Variants in ORC3 observed in about 807,000 individuals in gnomAD.
ORC3 encodes the protein homolog of latheo, Drosophila.
In ORC3, 78 loss-of-function variants were observed where a neutral mutation model predicts 100.7. The ratio of observed to expected loss-of-function variants is 0.77; its 90% CI spans 0.65 to 0.94. The LOEUF is 0.94. ORC3 is among the 40% of genes least tolerant of loss of function. ORC3 has a pLI of 0.00. For synonymous variants in ORC3, 295 were observed against 289.3 expected, an observed-to-expected ratio of 1.02 and a Z score of -0.20; for missense variants, 789 against 823.9, an observed-to-expected ratio of 0.96 and a Z score of 0.52.
At position 87,634,953 on chromosome 6, in the gene ORC3, G is replaced by A. The variant is rs2067506049; in HGVS notation, c.1294G>A (p.Gly432Ser). The A allele has an allele frequency of 6.8e-7, 1 of 1,474,894 alleles. No individual in the cohort carries two copies. Among genetic ancestry groups the A allele is most frequent in the Non-Finnish European group, 9.5e-7 (1 of 1,053,224 alleles). 91.4% of individuals were successfully genotyped at this position (1,474,894 alleles called of 1,614,324 possible). A position where few individuals can be genotyped will look rare whatever the true frequency, so the allele number is the denominator to read the frequency against. ...FTSSLPKYPL[G>S]RQIRELYCTC... Reference sequence around the variant, plus strand: ...CTCTTCTCTTCCCAAGTATCCACTAGGTCGACAGGTAATCCAAGCCTCCTC... The same window carrying A: ...CTCTTCTCTTCCCAAGTATCCACTAAGTCGACAGGTAATCCAAGCCTCCTC... Residue 432 changes from glycine (G) to serine (S), a missense_variant, in exon 12 of 20, where the codon GGT (glycine) becomes AGT (serine). This residue lies in a region of ORC3 where 366 missense variants were observed against 394.2 expected (regional missense o/e 0.93). Transcript: ENST00000392844.
intron 17 of ORC3, among the ~76,000 whole-genome samples, chr6:87,664,329 C>G (rs1039138530): frequency 6.6e-6 from 1 of 151,836 alleles, no homozygotes; most frequent in African/African-American, 2.4e-5. Context: ...AAATTTATAC[C>G]CCTGGTAAGT....
chr6:87,598,967 A>G (rs971540495), intron 2 of ORC3, among the ~76,000 whole-genome samples: 27 of 152,250 alleles, frequency 1.8e-4, no homozygotes, highest in African/African-American at 5.8e-4. Context: ...ACAACTGGAT[A>G]GGAACTGGAG....
chr6:87,609,815 G>A (rs569022919), intron 7 of ORC3, among the ~76,000 whole-genome samples: 1 of 152,130 alleles, frequency 6.6e-6, no homozygotes, highest in African/African-American at 2.4e-5. Flanking sequence ...GCCTCCCAAA[G>A]TGCTGGGATT....
intron 1 of ORC3, among the ~76,000 whole-genome samples, chr6:87,592,397 G>A (rs576813552): frequency 3.9e-5 from 6 of 152,118 alleles, no homozygotes; most frequent in Non-Finnish European, 8.8e-5. Context: ...TTGGGAGGCC[G>A]AGGTGGGTGG....
At chr6:87,664,715 G>A in intron 17 of ORC3, 28 bp from the exon 18 acceptor site, 3 of 1,537,200 alleles carry the variant, frequency 2.0e-6, no homozygotes, top group Non-Finnish European at 2.7e-6. Context: ...ATAAAAGTTA[G>A]TCATCTTAGT....
At position 87,609,208 on chromosome 6, in the gene ORC3, A is replaced by G. The variant is rs1409755233; in HGVS notation, c.692A>G (p.Gln231Arg). 6.3e-7 allele frequency: 1 copy of G among 1,599,502 alleles called. No homozygotes were observed. Among genetic ancestry groups the G allele is most frequent in the South Asian group, 1.1e-5 (1 of 88,008 alleles). Residue 231 changes from glutamine to arginine, a missense_variant, in exon 7 of 20, where the codon CAA becomes CGA. Coordinates refer to ENST00000392844, the MANE Select transcript of ORC3 (RefSeq NM_012381.4). Reference sequence around the variant, plus strand: ...GAAAGCTTTGCCACAAAAGTACTACAAGACTTCATAATTATCAGCAGGTAG... The same window carrying G: ...GAAAGCTTTGCCACAAAAGTACTACGAGACTTCATAATTATCAGCAGGTAG... Reference protein sequence around the residue: ...DMESFATKVLQDFIIISSQHL... With the variant: ...DMESFATKVLRDFIIISSQHL...
chr6:87,605,985 C>T lies in ORC3; in HGVS notation c.391C>T (p.Pro131Ser). ...LTEALQNNVTPYVVSLQAKDC... is the reference protein window; with the variant it reads ...LTEALQNNVTSYVVSLQAKDC... Reference sequence around the variant, plus strand: ...AGAGGCCCTTCAGAATAATGTCACACCATATGTAGTCTCATTGCAAGCTAA... The same window carrying T: ...AGAGGCCCTTCAGAATAATGTCACATCATATGTAGTCTCATTGCAAGCTAA... Residue 131 changes from proline (P) to serine (S), a missense_variant, in exon 5 of 20, where the codon CCA becomes TCA. Transcript: ENST00000392844. 6.2e-7 allele frequency: 1 copy of T among 1,605,010 alleles called. No individual in the cohort carries two copies. The highest frequency in any genetic ancestry group is 8.5e-7 in the Non-Finnish European group (1 of 1,172,536).
chr6:87,631,036 A>T (rs1767365925), intron 11 of ORC3, among the ~76,000 whole-genome samples: 1 of 150,782 alleles, frequency 6.6e-6, no homozygotes, highest in Admixed American at 6.6e-5. Context: ...ATGCCCAGCT[A>T]ATTTAAATTT....
intron 13 of ORC3, among the ~76,000 whole-genome samples, chr6:87,650,152 G>A (rs1156418912): frequency 6.6e-6 from 1 of 150,826 alleles, no homozygotes; most frequent in Non-Finnish European, 1.5e-5. Context: ...GACCTCCCAG[G>A]CTCAAGCAGT....
At chr6:87,602,347 C>T (rs1435903544) in intron 3 of ORC3, among the ~76,000 whole-genome samples, 1 of 152,168 alleles carries the variant, frequency 6.6e-6, no homozygotes, top group Non-Finnish European at 1.5e-5. Flanking sequence ...TTCAGGTATA[C>T]AACTGTGAAA....
Position 87,615,326 on chromosome 6 carries a change from G to C in ORC3, c.874-988G>C, listed in dbSNP as rs562140917. ...TGGGAATTCAAGATGGGATTTGGGTGGGGACACAGCCAAACCATATCATTG... is the reference window on the plus strand; with the variant it reads ...TGGGAATTCAAGATGGGATTTGGGTCGGGACACAGCCAAACCATATCATTG... On this transcript the variant is annotated intron_variant, in intron 8 of 19. Transcript: ENST00000392844. Among the ~76,000 whole-genome samples the C allele has an allele frequency of 9.4e-4, 143 of 152,274 alleles. 1 individual carries two copies. In the South Asian group the frequency reaches 0.01, roughly 11 times the overall value.
the ORC3 span, chr6:87,676,022 C>T: frequency 9.3e-7 from 1 of 1,073,868 alleles, no homozygotes; most frequent in Non-Finnish European, 1.4e-6. Context: ...TAAAACAATT[C>T]TAAGTTGACA....
chr6:87,595,631 G>C (rs1777375801), intron 2 of ORC3, among the ~76,000 whole-genome samples: 1 of 151,956 alleles, frequency 6.6e-6, no homozygotes, highest in African/African-American at 2.4e-5. Context: ...ATCATCTCTC[G>C]GAAGCACCAG....
chr6:87,609,945 TA>T (rs1450537855), intron 7 of ORC3, among the ~76,000 whole-genome samples: 2 of 152,220 alleles, frequency 1.3e-5, no homozygotes, highest in Admixed American at 1.3e-4. Context: ...AAGTGTCTTC[TA>T]AATAACATTA....
At chr6:87,613,838 C>T (rs1778960927) in intron 8 of ORC3, among the ~76,000 whole-genome samples, 1 of 152,172 alleles carries the variant, frequency 6.6e-6, no homozygotes, top group Non-Finnish European at 1.5e-5. Context: ...CAGCTTCACC[C>T]CTGTTGCTTT....
intron 3 of ORC3, among the ~76,000 whole-genome samples, chr6:87,602,954 A>AATATATATATATATATATATTATAT (rs397935596): frequency 1.3e-4 from 12 of 95,262 alleles, no homozygotes; most frequent in African/African-American, 4.2e-4. Context: ...ACACATATAT[A>AATATATATATATATATATATTATAT]ATATATATAT....
intron 2 of ORC3, among the ~76,000 whole-genome samples, chr6:87,598,624 T>C (rs1777643473): frequency 1.3e-5 from 2 of 152,114 alleles, no homozygotes; most frequent in Admixed American, 1.3e-4. Context: ...TGTATAATTG[T>C]ATGATTTGAA....
intron 2 of ORC3, among the ~76,000 whole-genome samples, chr6:87,598,458 C>A (rs372438759): frequency 1.3e-5 from 2 of 152,256 alleles, no homozygotes; most frequent in African/African-American, 4.8e-5. Flanking sequence ...AGGATTTGAA[C>A]CCAACCTGTC....
At chr6:87,607,413 A>G (rs1003462687) in intron 5 of ORC3, among the ~76,000 whole-genome samples, 2 of 152,128 alleles carry the variant, frequency 1.3e-5, no homozygotes, top group Admixed American at 1.3e-4. Flanking sequence ...CCTGGGCAAC[A>G]GAGCGAGACT....
Sources: allele counts gnomAD v4.1 joint callset (sites outside exome capture counted in the v4.1 genomes callset), GRCh38; gene constraint gnomAD v4.1.1; regional missense constraint gnomAD v4.1.1; transcripts MANE v1.5; gene names NCBI Gene and HGNC (gene_info 2026-07-23, HGNC 2026-07-21).